Variants in KANK1 observed in about 807,000 individuals in gnomAD.
KANK1 encodes the protein KN motif and ankyrin repeat domain-containing protein 1.
In KANK1, 109 loss-of-function variants were observed where a neutral mutation model predicts 106.2. The observed-to-expected ratio is 1.03, with a 90% CI of 0.88 to 1.20. The LOEUF is 1.20. KANK1 is among the 50% of genes most tolerant of loss of function. The pLI is 0.00. For synonymous variants in KANK1, 873 were observed against 652.2 expected, an observed-to-expected ratio of 1.34 and a Z score of -5.16; for missense variants, 2,399 against 1,710.7, an observed-to-expected ratio of 1.40 and a Z score of -7.10.
intron 1 of KANK1, among the ~76,000 whole-genome samples, chr9:575,207 A>G (rs1820224286): frequency 6.6e-6 from 1 of 152,268 alleles, no homozygotes; most frequent in Non-Finnish European, 1.5e-5. Flanking sequence ...TTAAAACTGC[A>G]TAGTAATAAC....
At chr9:557,379 C>T (rs1327246523) in intron 1 of KANK1, among the ~76,000 whole-genome samples, 3 of 151,962 alleles carry the variant, frequency 2.0e-5, no homozygotes, top group South Asian at 2.1e-4. Flanking sequence ...GCATTGTATT[C>T]AATATAGTAT....
intron 2 of KANK1, among the ~76,000 whole-genome samples, chr9:703,804 C>G (rs1018828735): frequency 2.6e-5 from 4 of 151,926 alleles, no homozygotes; most frequent in Non-Finnish European, 4.4e-5. Flanking sequence ...CTCCACCTCT[C>G]TGGTTCAAGC....
At chr9:693,739 C>T in intron 2 of KANK1, 1 of 985,300 alleles carries the variant, frequency 1.0e-6, no homozygotes, top group South Asian at 4.7e-5. Context: ...TTGCCTGAGA[C>T]CTGGCTTCCT....
intron 2 of KANK1, among the ~76,000 whole-genome samples, chr9:701,601 G>T (rs1396207472): frequency 6.6e-6 from 1 of 152,042 alleles, no homozygotes; most frequent in Non-Finnish European, 1.5e-5. Context: ...CACTAGATTC[G>T]GGTAGCACCC....
At chr9:560,522 G>A (rs2641981) in intron 1 of KANK1, among the ~76,000 whole-genome samples, 59,136 of 152,128 alleles carry the variant, frequency 0.39, 14,101 homozygotes, top group South Asian at 0.58. Context: ...GACTTTAGAG[G>A]CACAGCCAGG....
intron 1 of KANK1, among the ~76,000 whole-genome samples, chr9:672,706 A>G (rs912793624): frequency 1.3e-5 from 2 of 152,130 alleles, no homozygotes; most frequent in Non-Finnish European, 2.9e-5. Flanking sequence ...TCATATTTGT[A>G]TCATTTTAGC....
In KANK1 at chr9:526,112, T is replaced by C. The variant is rs2059779825; in HGVS notation, c.-84+21358T>C. Among the ~76,000 whole-genome samples the C allele has an allele frequency of 2.0e-5, 3 of 151,880 alleles. No homozygotes were observed. In the South Asian group the frequency reaches 6.2e-4, roughly 31 times the overall value. On this transcript the variant is annotated intron_variant, in intron 1 of 11. Coordinates refer to ENST00000382297, the MANE Select transcript of KANK1 (RefSeq NM_015158.5). The stretch of plus-strand genomic sequence containing the variant: ...CACAAAAGTAGGAATTCTGATTTTA[T>C]TTTGTGATCTTAGTCACTTTACAAT...
chr9:744,749 C>A, intron 11 of KANK1, 160 bp downstream of exon 11: 3 of 1,506,598 alleles, frequency 2.0e-6, no homozygotes, highest in East Asian at 2.5e-5. Context: ...CTCCACCCCG[C>A]AAAAAGCAGG....
In KANK1 at chr9:514,509, A is replaced by G. The variant is rs1160420180; in HGVS notation, c.-84+9755A>G. Among the ~76,000 whole-genome samples, 4 of 150,698 alleles carry G rather than the reference A, an allele frequency of 2.7e-5. No homozygotes were observed. In the East Asian group the frequency reaches 5.8e-4, roughly 22 times the overall value. ...CCCCGAGGGTATCCTTACTTCTAAT[A>G]TCATAGATCAATTTAGTCAGTTTTT... On this transcript the variant is annotated intron_variant, in intron 1 of 11. Coordinates refer to ENST00000382297, the MANE Select transcript of KANK1 (RefSeq NM_015158.5).
At chr9:512,249 G>GTGTGTGTA (rs370159663) in intron 1 of KANK1, among the ~76,000 whole-genome samples, 10 of 149,506 alleles carry the variant, frequency 6.7e-5, no homozygotes, top group African/African-American at 2.3e-4. Flanking sequence ...GTGTGTGTGT[G>GTGTGTGTA]TATGTATATA....
chr9:538,021 T>C (rs2060393123), intron 1 of KANK1, among the ~76,000 whole-genome samples: 1 of 152,152 alleles, frequency 6.6e-6, no homozygotes, highest in Non-Finnish European at 1.5e-5. Context: ...CCCTCTCTCT[T>C]GTTAAGCTAT....
At chr9:720,986 A>T (rs764338647) in intron 3 of KANK1, among the ~76,000 whole-genome samples, 1 of 152,166 alleles carries the variant, frequency 6.6e-6, no homozygotes, top group Non-Finnish European at 1.5e-5. Flanking sequence ...CAGCTTTTAT[A>T]TTGGTTAATT....
At chr9:596,544 C>T (rs568613095) in intron 1 of KANK1, among the ~76,000 whole-genome samples, 1 of 151,666 alleles carries the variant, frequency 6.6e-6, no homozygotes, top group African/African-American at 2.4e-5. Context: ...GAGTAGGTTT[C>T]CTTTTCCCCT....
intron 1 of KANK1, among the ~76,000 whole-genome samples, chr9:644,704 A>G (rs1839264527): frequency 6.6e-6 from 1 of 150,994 alleles, no homozygotes; most frequent in African/African-American, 2.5e-5. Context: ...CCCACCTTCA[A>G]CACTCGGGAT....
chr9:568,204 A>G (rs969399157), intron 1 of KANK1, among the ~76,000 whole-genome samples: 17 of 152,204 alleles, frequency 1.1e-4, no homozygotes, highest in Non-Finnish European at 7.3e-5. Flanking sequence ...TCAACTTCTC[A>G]AGATTTTTTA....
intron 1 of KANK1, among the ~76,000 whole-genome samples, chr9:601,600 T>C (rs931139560): frequency 6.6e-6 from 1 of 151,902 alleles, no homozygotes. Flanking sequence ...GTTTCCCTTA[T>C]TGCTAGTGCT....
At chr9:501,516 C>G (rs1025635182), upstream of KANK1, among the ~76,000 whole-genome samples, 2 of 151,982 alleles carry the variant, frequency 1.3e-5, no homozygotes, top group African/African-American at 4.8e-5. Flanking sequence ...TAATTCTTTT[C>G]TTTCATATAT....
rs886906261 is a variant in KANK1 at position 591,407 on chromosome 9, C to T, written c.-83-85483C>T. On this transcript the variant is annotated intron_variant, in intron 1 of 11. Transcript: ENST00000382297. ...CAAGTGTGATCACATCTTGGCATAC[C>T]CCTGCCTGAGCTCGTCATGGCATTC... is the stretch of plus-strand genomic sequence containing the variant. 6.6e-5 allele frequency among the ~76,000 whole-genome samples: 10 copies of T among 151,718 alleles called. No individual in the cohort carries two copies. In the East Asian group the frequency reaches 1.9e-3, roughly 29 times the overall value.
chr9:722,668 C>G (rs1829662366), intron 3 of KANK1, among the ~76,000 whole-genome samples: 1 of 152,222 alleles, frequency 6.6e-6, no homozygotes, highest in Admixed American at 6.5e-5. Context: ...AGAACATTTT[C>G]TGGCAATATA....
Sources: gnomAD v4.1 joint callset for allele counts (sites outside exome capture counted in the v4.1 genomes callset) on GRCh38, gnomAD v4.1.1 for gene constraint, MANE v1.5 for transcripts, NCBI Gene and HGNC (gene_info 2026-07-23, HGNC 2026-07-21) for gene names.